Variants in ROBO1 observed in about 807,000 individuals in gnomAD.
ROBO1 encodes roundabout homolog 1.
Under a neutral mutation model 195.9 loss-of-function variants are expected in ROBO1, and 149 were observed. The ratio of observed to expected loss-of-function variants is 0.76; its 90% confidence interval spans 0.67 to 0.87. ROBO1 has a LOEUF of 0.87. ROBO1 is among the 40% of genes least tolerant of loss of function. The probability of loss-of-function intolerance (pLI) is 0.00; values close to 1 mark genes in which losing one functional copy is unlikely to be tolerated. For missense variants in ROBO1, 1,933 were observed against 2,068.3 expected, an observed-to-expected ratio of 0.93 and a Z score of 1.27; for synonymous variants, 816 against 733.2, an observed-to-expected ratio of 1.11 and a Z score of -1.82.
chr3:79,760,257 A>AAAAAAAAAAAAAAAAAAC (rs1704620978), intron 1 of ROBO1, among the ~76,000 whole-genome samples: 1 of 145,892 alleles, frequency 6.9e-6, no homozygotes, highest in Non-Finnish European at 1.5e-5. Flanking sequence ...AAAAAAAAAA[A>AAAAAAAAAAAAAAAAAAC]AAAAAAAAAA....
chr3:79,695,618 C>T (rs913565671), intron 1 of ROBO1, among the ~76,000 whole-genome samples: 1 of 151,238 alleles, frequency 6.6e-6, no homozygotes, highest in Admixed American at 6.6e-5. Context: ...ATGCAAAAAA[C>T]TCCAGTGACC....
chr3:78,929,372 A>G (rs2039385074), intron 4 of ROBO1, among the ~76,000 whole-genome samples: 1 of 152,168 alleles, frequency 6.6e-6, no homozygotes, highest in Non-Finnish European at 1.5e-5. Flanking sequence ...CAGACAGAAA[A>G]AGAGAAAGTA....
At chr3:79,559,836 G>A (rs1942842710) in intron 2 of ROBO1, among the ~76,000 whole-genome samples, 1 of 152,112 alleles carries the variant, frequency 6.6e-6, no homozygotes, top group Non-Finnish European at 1.5e-5. Context: ...AGAATTGCTT[G>A]AACCCGGGAG....
At chr3:78,960,707 G>A (rs138049827) in intron 3 of ROBO1, among the ~76,000 whole-genome samples, 7,651 of 150,820 alleles carry the variant, frequency 0.051, 224 homozygotes, top group Middle Eastern at 0.1. Flanking sequence ...AACCCAGGAG[G>A]CAGAGCTTGC....
intron 3 of ROBO1, among the ~76,000 whole-genome samples, chr3:79,082,942 C>T (rs2079301462): frequency 1.3e-5 from 2 of 152,144 alleles, no homozygotes; most frequent in Admixed American, 1.3e-4. Flanking sequence ...TATTGATCTG[C>T]TATCATGCAG....
chr3:78,746,824 T>G lies in ROBO1; in HGVS notation c.576A>C (p.Gln192His), dbSNP rs1198847418. The change falls in exon 5 of 31, where the codon CAA becomes CAC. Residue 192 changes from glutamine (Q) to histidine (H), a missense_variant. Transcript: ENST00000464233. ...TGGGCTCAGGATGGCCTCGTGGAGG[T>G]TGGCATTCCATTACTGCAGGCTCTC... ...AVGEPAVMECQPPRGHPEPTI... is the reference protein window; with the variant it reads ...AVGEPAVMECHPPRGHPEPTI... The G allele has an allele frequency of 2.5e-6, 4 of 1,604,052 alleles. No homozygotes were observed. The highest frequency in any genetic ancestry group is 3.4e-6 in the Non-Finnish European group (4 of 1,172,816).
chr3:79,245,453 A>G (rs1417774544), intron 2 of ROBO1, among the ~76,000 whole-genome samples: 1 of 152,036 alleles, frequency 6.6e-6, no homozygotes, highest in East Asian at 1.9e-4. Context: ...CCACTTGAGT[A>G]TTGGAGACTT....
chr3:79,666,659 C>G (rs777429411), intron 1 of ROBO1, among the ~76,000 whole-genome samples: 1 of 151,824 alleles, frequency 6.6e-6, no homozygotes, highest in South Asian at 2.1e-4. Context: ...GTAAGACATG[C>G]CTTTCCTTTT....
intron 2 of ROBO1, among the ~76,000 whole-genome samples, chr3:79,158,533 C>A (rs1319519745): frequency 6.6e-6 from 1 of 151,308 alleles, no homozygotes; most frequent in Non-Finnish European, 1.5e-5. Context: ...AAGTTGTTAG[C>A]CATTCTCTTG....
chr3:79,705,210 A>G (rs1420868902), intron 1 of ROBO1, among the ~76,000 whole-genome samples: 1 of 151,958 alleles, frequency 6.6e-6, no homozygotes, highest in Non-Finnish European at 1.5e-5. Flanking sequence ...CCAGCTTATC[A>G]ATTCTTTCTT....
intron 1 of ROBO1, among the ~76,000 whole-genome samples, chr3:79,730,335 C>CT (rs1453318070): frequency 3.3e-5 from 5 of 152,136 alleles, no homozygotes. Context: ...TGAGGACACT[C>CT]TATTTGGCCA....
At chr3:78,759,840 T>TA (rs35044146) in intron 4 of ROBO1, among the ~76,000 whole-genome samples, 34,164 of 151,900 alleles carry the variant, frequency 0.22, 4,143 homozygotes, top group East Asian at 0.51. Flanking sequence ...CCTTTTAACG[T>TA]AAAAAATATG....
chr3:79,507,501 T>C (rs921282813), intron 2 of ROBO1, among the ~76,000 whole-genome samples: 2 of 152,364 alleles, frequency 1.3e-5, no homozygotes, highest in Admixed American at 6.5e-5. Flanking sequence ...TTTCCAAGCA[T>C]GCTTTCCTTT....
intron 4 of ROBO1, among the ~76,000 whole-genome samples, chr3:78,793,388 T>G (rs977406119): frequency 2.0e-5 from 3 of 152,226 alleles, no homozygotes; most frequent in Admixed American, 2.0e-4. Context: ...TTCCTTCATT[T>G]TAAAATTATT....
intron 2 of ROBO1, among the ~76,000 whole-genome samples, chr3:79,386,194 A>G (rs2036737613): frequency 6.6e-6 from 1 of 152,142 alleles, no homozygotes; most frequent in South Asian, 2.1e-4. Flanking sequence ...ATTTAAACTA[A>G]AAAAACAAAA....
intron 2 of ROBO1, among the ~76,000 whole-genome samples, chr3:79,507,182 G>A (rs950615727): frequency 2.6e-5 from 4 of 152,200 alleles, no homozygotes; most frequent in Non-Finnish European, 5.9e-5. Flanking sequence ...GCATGATGAT[G>A]TACAAAACAA....
intron 2 of ROBO1, among the ~76,000 whole-genome samples, chr3:79,214,528 C>T (rs1457218133): frequency 1.3e-5 from 2 of 151,868 alleles, no homozygotes; most frequent in African/African-American, 2.4e-5. Context: ...GCGAATTCAA[C>T]GTGCTAATGC....
At chr3:79,365,133 G>A (rs1439563389) in intron 2 of ROBO1, among the ~76,000 whole-genome samples, 1 of 152,044 alleles carries the variant, frequency 6.6e-6, no homozygotes, top group Non-Finnish European at 1.5e-5. Context: ...TCTACTTGTA[G>A]TTTACTTATT....
chr3:79,336,442 CAG>C (rs1442010654), intron 2 of ROBO1, among the ~76,000 whole-genome samples: 5 of 152,210 alleles, frequency 3.3e-5, no homozygotes, highest in Non-Finnish European at 7.3e-5. Context: ...GCAATTGCTT[CAG>C]AGAGTGCAAA....
Sources: allele counts gnomAD v4.1 joint callset (sites outside exome capture counted in the v4.1 genomes callset), GRCh38; gene constraint gnomAD v4.1.1; transcripts MANE v1.5; gene names NCBI Gene and HGNC (gene_info 2026-07-23, HGNC 2026-07-21).